KDM5B: variants seen among roughly 807,000 people sequenced by gnomAD.
KDM5B encodes the protein lysine demethylase 5B, also known as lysine-specific demethylase 5B.
A neutral mutation model predicts 193.4 loss-of-function variants in KDM5B; 144 were observed. The ratio of observed to expected loss-of-function variants is 0.74; its 90% CI spans 0.65 to 0.86. The LOEUF (loss-of-function observed/expected upper bound fraction) is 0.86. Ranked by LOEUF, KDM5B falls within the 40% of genes least tolerant of loss-of-function variation. The pLI, the probability that KDM5B is intolerant of heterozygous loss-of-function variation, is 0.00. For synonymous variants in KDM5B, 668 were observed against 682.6 expected, an observed-to-expected ratio of 0.98 and a Z score of 0.33; for missense variants, 1,833 against 1,886.9, an observed-to-expected ratio of 0.97 and a Z score of 0.53.
intron 1 of KDM5B, among the ~76,000 whole-genome samples, chr1:202,803,352 A>G (rs532877005): frequency 6.6e-6 from 1 of 152,258 alleles, no homozygotes; most frequent in Non-Finnish European, 1.5e-5. Flanking sequence ...CATATTTGCA[A>G]TATCATTCAC....
chr1:202,799,413 G>C (rs1224185041), intron 1 of KDM5B, among the ~76,000 whole-genome samples: 5 of 152,134 alleles, frequency 3.3e-5, no homozygotes, highest in Admixed American at 3.3e-4. Flanking sequence ...CAGCACTTTG[G>C]GAGGCCGAGG....
chr1:202,734,705 T>C (rs1655031874), intron 22 of KDM5B, among the ~76,000 whole-genome samples: 1 of 152,182 alleles, frequency 6.6e-6, no homozygotes, highest in Non-Finnish European at 1.5e-5. Context: ...TGACTGAATA[T>C]ACGAATATAC....
In KDM5B at chr1:202,756,242, G is replaced by A. The variant is rs538567376; in HGVS notation, c.1356+116C>T. The A allele has an allele frequency of 2.0e-4, 171 of 862,626 alleles. 2 individuals carry two copies. In the South Asian group the frequency reaches 3.1e-3, roughly 16 times the overall value. The allele number at this position is 862,626 out of a possible 1,614,324, so 53.4% of individuals were successfully genotyped here. On this transcript the variant is annotated intron_variant, in intron 10 of 26. Coordinates refer to ENST00000367265, the MANE Select transcript of KDM5B (RefSeq NM_006618.5). Reference sequence around the variant, plus strand: ...TCTGTAGGCTCTTTCTACTTTTCTTGAAATCATTAAAAATCTGGTAATTAA... The same window carrying A: ...TCTGTAGGCTCTTTCTACTTTTCTTAAAATCATTAAAAATCTGGTAATTAA...
chr1:202,729,651 T>C (rs1416566596), intron 26 of KDM5B, 56 bp downstream of exon 26: 13 of 1,488,562 alleles, frequency 8.7e-6, no homozygotes, highest in Non-Finnish European at 1.0e-5. Context: ...AGGTCTAGCT[T>C]ACAGGGTTTC....
chr1:202,729,754 C>G lies in KDM5B; in HGVS notation c.4450G>C (p.Asp1484His), dbSNP rs368011425. ...CAGCTCACAGCTGGGCAGATGGCAT[C>G]TTCATCCTCAGAGTCTTCCTGTTCG... ...YSEQEDSEDE[D>H]AICPAVSCLQ... The change falls in exon 26 of 27, where the codon GAT (aspartate) becomes CAT (histidine). Residue 1484 changes from aspartate (D) to histidine (H), a missense_variant. This residue lies in a region of KDM5B where 1,379 missense variants were observed against 1,349.6 expected (regional missense o/e 1.02). Coordinates refer to ENST00000367265, the MANE Select transcript of KDM5B (RefSeq NM_006618.5). 2.5e-6 allele frequency: 4 copies of G among 1,614,044 alleles called. No homozygotes were observed. The highest frequency in any genetic ancestry group is 3.4e-6 in the Non-Finnish European group (4 of 1,179,996).
chr1:202,746,101 A>C, intron 15 of KDM5B, 41 bp downstream of exon 15: 1 of 1,546,868 alleles, frequency 6.5e-7, no homozygotes, highest in Non-Finnish European at 8.8e-7. Flanking sequence ...AGTAAGGATC[A>C]ACTGTTTTCC....
chr1:202,732,042 GAAAAAA>G, intron 23 of KDM5B, 103 bp from the exon 24 acceptor site: 1 of 379,024 alleles, frequency 2.6e-6, no homozygotes. Context: ...GCAACCAGGG[GAAAAAA>G]AAAAAAAAAC....
chr1:202,753,287 G>A lies in KDM5B; in HGVS notation c.1539-220C>T, dbSNP rs975494720. 3.9e-5 allele frequency among the ~76,000 whole-genome samples: 6 copies of A among 152,090 alleles called. 1 individual carries two copies. Among genetic ancestry groups the A allele is most frequent in the Non-Finnish European group, 7.4e-5 (5 of 68,014 alleles). Reference sequence around the variant, plus strand: ...CTGAGGCGGGTAGATCACGAGGTCAGGAGTTCAAGACCAGCCTGGCCAACA... The same window carrying A: ...CTGAGGCGGGTAGATCACGAGGTCAAGAGTTCAAGACCAGCCTGGCCAACA... On this transcript the variant is annotated intron_variant, in intron 11 of 26. Coordinates refer to ENST00000367265, the MANE Select transcript of KDM5B (RefSeq NM_006618.5).
intron 1 of KDM5B, among the ~76,000 whole-genome samples, chr1:202,783,753 C>T (rs1418349435): frequency 6.6e-6 from 1 of 151,792 alleles, no homozygotes; most frequent in East Asian, 1.9e-4. Context: ...TGGTGGCGGG[C>T]GCCTGTAGTC....
chr1:202,745,354 T>A (rs904548278), intron 16 of KDM5B, among the ~76,000 whole-genome samples: 10 of 152,058 alleles, frequency 6.6e-5, no homozygotes, highest in Non-Finnish European at 1.3e-4. Context: ...AACTATATTT[T>A]CATAAGAAAA....
At chr1:202,759,273 C>T (rs755000937) in intron 8 of KDM5B, among the ~76,000 whole-genome samples, 2 of 152,100 alleles carry the variant, frequency 1.3e-5, no homozygotes, top group Admixed American at 6.5e-5. Flanking sequence ...GGTGCAGTGG[C>T]TCACACCTGT....
At chr1:202,772,912 G>T (rs778501673) in intron 4 of KDM5B, among the ~76,000 whole-genome samples, 1 of 152,134 alleles carries the variant, frequency 6.6e-6, no homozygotes. Flanking sequence ...GGCCAGGCTG[G>T]TCTCAAACTC....
At chr1:202,747,625 T>C (rs1655614770) in intron 14 of KDM5B, among the ~76,000 whole-genome samples, 1 of 149,408 alleles carries the variant, frequency 6.7e-6, no homozygotes, top group African/African-American at 2.5e-5. Flanking sequence ...TCTAAAAGAA[T>C]CCATGAAAAA....
chr1:202,751,498 A>T (rs1017288724), intron 12 of KDM5B, among the ~76,000 whole-genome samples: 1 of 152,122 alleles, frequency 6.6e-6, no homozygotes, highest in African/African-American at 2.4e-5. Context: ...GGTTCTGTGT[A>T]AAGACTACTA....
At chr1:202,785,354 T>C (rs1012503689) in intron 1 of KDM5B, among the ~76,000 whole-genome samples, 2 of 152,156 alleles carry the variant, frequency 1.3e-5, no homozygotes, top group African/African-American at 4.8e-5. Flanking sequence ...TATTTTCCCA[T>C]TGTTATTTCT....
At chr1:202,759,282 G>A (rs1190803491) in intron 8 of KDM5B, among the ~76,000 whole-genome samples, 2 of 152,134 alleles carry the variant, frequency 1.3e-5, no homozygotes, top group Non-Finnish European at 2.9e-5. Flanking sequence ...GCTCACACCT[G>A]TAATCCGGCA....
intron 1 of KDM5B, among the ~76,000 whole-genome samples, chr1:202,779,386 G>A (rs759068730): frequency 1.4e-4 from 21 of 152,054 alleles, no homozygotes; most frequent in Non-Finnish European, 2.6e-4. Context: ...GGCTGAGGCA[G>A]GAAAATGGTG....
chr1:202,735,636 G>A (rs758598349), intron 21 of KDM5B, 49 bp from the exon 22 acceptor site: 2 of 1,544,508 alleles, frequency 1.3e-6, no homozygotes, highest in South Asian at 2.3e-5. Flanking sequence ...TTCAGATAAA[G>A]CATTATGTAG....
chr1:202,753,676 T>C (rs373047810), intron 11 of KDM5B, among the ~76,000 whole-genome samples: 3 of 52,994 alleles, frequency 5.7e-5, no homozygotes, highest in Non-Finnish European at 1.6e-4. Context: ...TTTTTTTTTG[T>C]TTTTTTTTTT....
Sources: gnomAD v4.1 joint callset for allele counts (sites outside exome capture counted in the v4.1 genomes callset) on GRCh38, gnomAD v4.1.1 for gene constraint, gnomAD v4.1.1 regional missense constraint, MANE v1.5 for transcripts, NCBI Gene and HGNC (gene_info 2026-07-23, HGNC 2026-07-21) for gene names.